The following CFAP299 variants were observed in gnomAD, a reference collection of about 807,000 sequenced individuals.
CFAP299 encodes cilia- and flagella-associated protein 299.
Under a neutral mutation model 27.0 loss-of-function variants are expected in CFAP299, and 21 were observed. The observed-to-expected ratio is 0.78, with a 90% CI of 0.55 to 1.12. The LOEUF is 1.12. Among genes scored for constraint, CFAP299 ranks in the 50% most tolerant of loss-of-function variants. The pLI is 0.00. For synonymous variants in CFAP299, 104 were observed against 98.1 expected (o/e 1.06, Z -0.36); for missense variants, 310 against 276.6 (o/e 1.12, Z -0.86).
chr4:80,594,723 C>A (rs1389024926), intron 3 of CFAP299, among the ~76,000 whole-genome samples: 1 of 152,024 alleles, frequency 6.6e-6, no homozygotes, highest in Non-Finnish European at 1.5e-5. Flanking sequence ...CTCTGAATTA[C>A]TTCTATGTCT....
chr4:80,447,222 G>A (rs1173292731), intron 2 of CFAP299, among the ~76,000 whole-genome samples: 2 of 126,940 alleles, frequency 1.6e-5, no homozygotes, highest in African/African-American at 3.1e-5. Context: ...TGCAAGCTCC[G>A]CCTCCCGGGT....
At chr4:80,946,519 C>A (rs193080244) in intron 5 of CFAP299, among the ~76,000 whole-genome samples, 1 of 152,246 alleles carries the variant, frequency 6.6e-6, no homozygotes, top group East Asian at 1.9e-4. Context: ...TAGCTACATG[C>A]AAAGCTGGGA....
In CFAP299 at chr4:80,704,022, C is replaced by T. The variant is rs149209230; in HGVS notation, c.333+120839C>T. Among the ~76,000 whole-genome samples, 768 of 151,534 alleles carry T rather than the reference C, an allele frequency of 5.1e-3. 5 individuals carry two copies. The highest frequency in any genetic ancestry group is 0.02 in the Middle Eastern group (6 of 294). ...GTTTTATTTTTTGCCTTTATGGATA[C>T]GTAGAATTTTGCTTTAGACTAAGAA... is the stretch of plus-strand genomic sequence containing the variant. On this transcript the variant is annotated intron_variant, in intron 3 of 5. Transcript: ENST00000358105.
chr4:80,493,187 TATAA>T (rs532042591), intron 2 of CFAP299, among the ~76,000 whole-genome samples: 19 of 152,332 alleles, frequency 1.2e-4, no homozygotes, highest in East Asian at 5.8e-4. Context: ...TTCCCATTGT[TATAA>T]ATAAAGTTTC....
intron 3 of CFAP299, among the ~76,000 whole-genome samples, chr4:80,768,369 GA>G (rs577620908): frequency 1.1e-4 from 16 of 151,532 alleles, no homozygotes; most frequent in Non-Finnish European, 2.4e-4. Context: ...ACAACACCAG[GA>G]AAAAAAATCA....
At chr4:80,821,756 A>G (rs1290472555) in intron 3 of CFAP299, among the ~76,000 whole-genome samples, 2 of 152,144 alleles carry the variant, frequency 1.3e-5, no homozygotes, top group Non-Finnish European at 2.9e-5. Context: ...CCCTGTACAC[A>G]GCACACGAAT....
At chr4:80,542,584 A>G (rs879750273) in intron 2 of CFAP299, among the ~76,000 whole-genome samples, 8 of 152,098 alleles carry the variant, frequency 5.3e-5, no homozygotes, top group Non-Finnish European at 2.9e-5. Context: ...CCAGACCTGG[A>G]GAGAGCAGGG....
chr4:80,524,969 C>A (rs34890603), intron 2 of CFAP299, among the ~76,000 whole-genome samples: 15,662 of 151,998 alleles, frequency 0.1, 943 homozygotes, highest in Middle Eastern at 0.2. Flanking sequence ...ATGTTTGTTA[C>A]CATGTGTCTG....
intron 3 of CFAP299, among the ~76,000 whole-genome samples, chr4:80,660,073 A>C (rs1173736876): frequency 6.6e-6 from 1 of 152,170 alleles, no homozygotes; most frequent in Non-Finnish European, 1.5e-5. Context: ...GGCAGTATAG[A>C]GCATCACATA....
intron 2 of CFAP299, among the ~76,000 whole-genome samples, chr4:80,516,749 C>T (rs1012311640): frequency 3.9e-5 from 6 of 152,072 alleles, no homozygotes; most frequent in Admixed American, 1.3e-4. Flanking sequence ...TAGGAAATTT[C>T]GTTATATCTG....
At chr4:80,471,102 T>G (rs1379271297) in intron 2 of CFAP299, among the ~76,000 whole-genome samples, 3 of 152,124 alleles carry the variant, frequency 2.0e-5, no homozygotes, top group Admixed American at 6.5e-5. Context: ...ATCTGAGACT[T>G]GAGAAGTTAC....
chr4:80,526,469 G>A (rs1271986374), intron 2 of CFAP299, among the ~76,000 whole-genome samples: 2 of 152,050 alleles, frequency 1.3e-5, no homozygotes, highest in African/African-American at 2.4e-5. Flanking sequence ...GAGTTAAAGA[G>A]TAAATTAAAA....
intron 3 of CFAP299, among the ~76,000 whole-genome samples, chr4:80,675,936 A>G (rs754628421): frequency 6.6e-6 from 1 of 151,792 alleles, no homozygotes; most frequent in Non-Finnish European, 1.5e-5. Context: ...TTTTCCAGGT[A>G]CAGTCTGTCA....
intron 3 of CFAP299, among the ~76,000 whole-genome samples, chr4:80,852,682 C>T (rs899341647): frequency 4.6e-5 from 7 of 152,134 alleles, no homozygotes; most frequent in African/African-American, 1.4e-4. Context: ...GAAGGGTTAT[C>T]TAAGTAAGAT....
the CFAP299 span, among the ~76,000 whole-genome samples, chr4:80,327,576 A>C: frequency 6.6e-6 from 1 of 151,242 alleles, no homozygotes; most frequent in Non-Finnish European, 1.5e-5. Flanking sequence ...GCCATTTAGG[A>C]GGCTATTATA....
At chr4:80,709,085 T>A (rs919530710) in intron 3 of CFAP299, among the ~76,000 whole-genome samples, 16 of 152,252 alleles carry the variant, frequency 1.1e-4, no homozygotes, top group African/African-American at 3.8e-4. Flanking sequence ...GCATGCTAAA[T>A]CAAAATGAGC....
At chr4:80,790,077 A>G (rs1198151430) in intron 3 of CFAP299, among the ~76,000 whole-genome samples, 1 of 152,036 alleles carries the variant, frequency 6.6e-6, no homozygotes, top group East Asian at 1.9e-4. Flanking sequence ...CCTTTCCATG[A>G]TAATTTCTAT....
chr4:80,891,778 T>TAA (rs1200985883), intron 4 of CFAP299, among the ~76,000 whole-genome samples: 6 of 25,590 alleles, frequency 2.3e-4, no homozygotes, highest in African/African-American at 6.8e-4. Context: ...AAAAAAAAAT[T>TAA]AAAAAAAAAA....
chr4:80,662,195 C>T (rs547077094), intron 3 of CFAP299, among the ~76,000 whole-genome samples: 5 of 152,014 alleles, frequency 3.3e-5, no homozygotes, highest in Non-Finnish European at 7.4e-5. Flanking sequence ...ACACCCTATT[C>T]GTACACTCCT....
Sources: allele counts gnomAD v4.1 joint callset (sites outside exome capture counted in the v4.1 genomes callset), GRCh38; gene constraint gnomAD v4.1.1; transcripts MANE v1.5; gene names NCBI Gene and HGNC (gene_info 2026-07-23, HGNC 2026-07-21).